Variants in GRIK5 observed in about 807,000 individuals in gnomAD.
GRIK5 encodes the protein glutamate receptor ionotropic, kainate 5.
A neutral mutation model predicts 97.4 loss-of-function variants in GRIK5; 43 were observed. The observed-to-expected ratio is 0.44, with a 90% CI of 0.35 to 0.57. The LOEUF (loss-of-function observed/expected upper bound fraction) is 0.57. Among genes scored for constraint, GRIK5 ranks in the 20% least tolerant of loss-of-function variants. The probability of loss-of-function intolerance (pLI) is 0.01; values close to 1 mark genes in which losing one functional copy is unlikely to be tolerated. For synonymous variants in GRIK5, 580 were observed against 583.5 expected, an observed-to-expected ratio of 0.99 and a Z score of 0.09; for missense variants, 1,015 against 1,382.0, an observed-to-expected ratio of 0.73 and a Z score of 4.21.
intron 9 of GRIK5, 117 bp downstream of exon 9, chr19:42,054,203 G>T: frequency 9.2e-7 from 1 of 1,090,220 alleles, no homozygotes; most frequent in Non-Finnish European, 1.3e-6. Context: ...GACAGGGGAG[G>T]CAGTGGGTAC....
At chr19:42,045,235 G>A (rs969211009) in intron 11 of GRIK5, among the ~76,000 whole-genome samples, 1 of 152,238 alleles carries the variant, frequency 6.6e-6, no homozygotes, top group African/African-American at 2.4e-5. Context: ...CTTGGTCTGA[G>A]CTGGCCTTAT....
rs189159623 is a variant in GRIK5 at position 42,008,312 on chromosome 19, C to T, written c.1872-1502G>A. Among the ~76,000 whole-genome samples, 795 of 152,152 alleles carry T rather than the reference C, an allele frequency of 5.2e-3. 9 individuals carry two copies. The highest frequency in any genetic ancestry group is 0.018 in the African/African-American group (763 of 41,550). ...GATTACAGGCATGAGCCACTGTGCC[C>T]GGCCTATTACATAATTTTTTAAAAA... On this transcript the variant is annotated intron_variant, in intron 15 of 19. Coordinates refer to ENST00000593562, the MANE Select transcript of GRIK5 (RefSeq NM_002088.5).
chr19:42,008,484 G>A (rs935648784), intron 15 of GRIK5, among the ~76,000 whole-genome samples: 1 of 152,172 alleles, frequency 6.6e-6, no homozygotes, highest in East Asian at 1.9e-4. Context: ...AAAATTAGCT[G>A]GGTGTGATAG....
Position 42,057,169 on chromosome 19 carries a change from A to G in GRIK5, c.688-191T>C, listed in dbSNP as rs576691625. 2.6e-5 allele frequency among the ~76,000 whole-genome samples: 4 copies of G among 152,256 alleles called. No individual in the cohort carries two copies. In the South Asian group the frequency reaches 8.3e-4, roughly 32 times the overall value. On this transcript the variant is annotated intron_variant, in intron 6 of 19. Transcript: ENST00000593562. ...GGAGGAGACAAGTGGGGGCATAGGG[A>G]GGCCTTAGTCCCTGGTGTCCCGCCA...
At position 42,022,054 on chromosome 19, in the gene GRIK5, G is replaced by T. The variant is rs2075705597; in HGVS notation, c.1590C>A (p.Gly530=). ...GISILYRVHM[G]RKPGYFSFLD... ...GGAAGGAGAAGTAGCCAGGCTTGCG[G>T]CCCTGTGGGGAGAGGGAGTGAGACC... Residue 530 remains glycine, a splice_region_variant and synonymous_variant, in exon 14 of 20, where the codon GGC becomes GGA. Coordinates refer to ENST00000593562, the MANE Select transcript of GRIK5 (RefSeq NM_002088.5). The surrounding 1 kb of genome is among the most constrained non-coding windows in gnomAD (Gnocchi z 4.2). The T allele has an allele frequency of 1.9e-6, 3 of 1,608,024 alleles. No individual in the cohort carries two copies. Among genetic ancestry groups the T allele is most frequent in the African/African-American group, 1.3e-5 (1 of 74,908 alleles).
intron 3 of GRIK5, among the ~76,000 whole-genome samples, chr19:42,063,694 AGG>A (rs2076290195): frequency 6.6e-6 from 1 of 152,170 alleles, no homozygotes; most frequent in Non-Finnish European, 1.5e-5. Flanking sequence ...GCCAACTCAG[AGG>A]AAAGCAGGCC....
Position 42,042,532 on chromosome 19 carries a change from C to T in GRIK5, c.1473+20G>A, listed in dbSNP as rs764685332. On this transcript the variant is annotated intron_variant, in intron 12 of 19. Transcript: ENST00000593562. The surrounding 1 kb of genome is among the most constrained non-coding windows in gnomAD (Gnocchi z 6.9). ...ACTCGCCGGGTCCATGCATCTTTCC[C>T]GGCCCCAGTCCAGCCATACCCGGTT... is the stretch of plus-strand genomic sequence containing the variant. The T allele has an allele frequency of 1.3e-5, 20 of 1,592,248 alleles. No homozygotes were observed. In the East Asian group the frequency reaches 2.2e-4, roughly 18 times the overall value.
chr19:42,060,919 C>T (rs1395100008), intron 5 of GRIK5, among the ~76,000 whole-genome samples: 1 of 152,204 alleles, frequency 6.6e-6, no homozygotes, highest in African/African-American at 2.4e-5. Context: ...ATGTAATGCA[C>T]TTATTTGTGG....
Position 42,003,346 on chromosome 19 carries a change from C to G in GRIK5, c.2500G>C (p.Ala834Pro), listed in dbSNP as rs1555871498. The change falls in exon 19 of 20, where the codon GCT becomes CCT. Residue 834 changes from alanine to proline, a missense_variant. Ala to Pro is a conservative substitution (Grantham distance 27, BLOSUM62 -1). Around this residue, in one of 5 missense-constraint regions of GRIK5, gnomAD observed 229 missense variants for 341.0 expected, o/e 0.67. Transcript: ENST00000593562. The surrounding 1 kb of genome is among the most constrained non-coding windows in gnomAD (Gnocchi z 4.2). Reference sequence around the variant, plus strand: ...AGCCTCCTCACCTCCTCGGACTCAGCTGACCTCCGTGTGGACCATATGAAT... The same window carrying G: ...AGCCTCCTCACCTCCTCGGACTCAGGTGACCTCCGTGTGGACCATATGAAT... ...MEFIWSTRRSAESEEVSVCQE... is the reference protein window; with the variant it reads ...MEFIWSTRRSPESEEVSVCQE... 11 of 1,612,566 alleles carry G rather than the reference C, an allele frequency of 6.8e-6. No homozygotes were observed. Among genetic ancestry groups the G allele is most frequent in the Non-Finnish European group, 9.3e-6 (11 of 1,179,330 alleles).
chr19:42,000,307 C>T (rs1447151519), intron 19 of GRIK5, among the ~76,000 whole-genome samples: 3 of 152,128 alleles, frequency 2.0e-5, no homozygotes, highest in African/African-American at 7.2e-5. Flanking sequence ...ATGGAGGAAG[C>T]TATGACAATA....
chr19:42,005,877 C>T lies in GRIK5; in HGVS notation c.2109G>A (p.Lys703=). 1.2e-6 allele frequency: 2 copies of T among 1,612,020 alleles called. No homozygotes were observed. The highest frequency in any genetic ancestry group is 1.7e-6 in the Non-Finnish European group (2 of 1,178,412). Residue 703 remains lysine, a synonymous_variant, in exon 17 of 20, where the codon AAG becomes AAA. Transcript: ENST00000593562. Reference sequence around the variant, plus strand: ...CGCGGGCAATGCCCTCTTCTGTGCTCTTGACGAACACGCTGGGCTGCTTCG... The same window carrying T: ...CGCGGGCAATGCCCTCTTCTGTGCTTTTGACGAACACGCTGGGCTGCTTCG... ...MQSKQPSVFV[K]STEEGIARVL... is the part of the protein sequence containing the mutation.
At position 41,999,079 on chromosome 19, in the gene GRIK5, T is replaced by A; in HGVS notation, c.2735A>T (p.Asp912Val). The change falls in exon 20 of 20, where the codon GAC becomes GTC. Residue 912 changes from aspartate to valine, a missense_variant. Physicochemically the swap from Asp to Val is radical, Grantham distance 152. Coordinates refer to ENST00000593562, the MANE Select transcript of GRIK5 (RefSeq NM_002088.5). This position sits in a 1 kb window ranked among gnomAD's most constrained non-coding sequence, Gnocchi z 5.0. ...TCGGGCTCCGCTGGGGGGCCCCGGG[T>A]CGTCCAGGAGGCGCTGCGGGCCCCC... The part of the protein sequence containing the change: ...AHGGPQRLLD[D>V]PGPPSGARPA... 7.7e-7 allele frequency: 1 copy of A among 1,303,058 alleles called. No individual in the cohort carries two copies. The allele number at this position is 1,303,058 out of a possible 1,614,324, so 80.7% of individuals were successfully genotyped here. A position where few individuals can be genotyped will look rare whatever the true frequency, so the allele number is the denominator to read the frequency against.
Position 41,999,035 on chromosome 19 carries a change from A to G in GRIK5, c.2779T>C (p.Cys927Arg), listed in dbSNP as rs1259503947. ...TCCTGGCAGACGCGCACGTGGGTGC[A>G]GGGGGTGGGGGCGGCGGGTCGGGCT... Reference protein sequence around the residue: ...SGARPAAPTPCTHVRVCQECR... With the variant: ...SGARPAAPTPRTHVRVCQECR... The change falls in exon 20 of 20, where the codon TGC becomes CGC. Residue 927 changes from cysteine (C) to arginine (R), a missense_variant. Cys to Arg is a radical substitution (Grantham distance 180). Coordinates refer to ENST00000593562, the MANE Select transcript of GRIK5 (RefSeq NM_002088.5). The surrounding 1 kb of genome is among the most constrained non-coding windows in gnomAD (Gnocchi z 5.0). 9 of 693,728 alleles carry G rather than the reference A, an allele frequency of 1.3e-5. No homozygotes were observed. Among genetic ancestry groups the G allele is most frequent in the South Asian group, 4.5e-5 (1 of 22,416 alleles). The allele number at this position is 693,728 out of a possible 1,614,324, so 43.0% of individuals were successfully genotyped here.
chr19:42,062,403 G>C lies in GRIK5; in HGVS notation c.508+85C>G. 7.2e-7 allele frequency: 1 copy of C among 1,388,378 alleles called. No individual in the cohort carries two copies. The highest frequency in any genetic ancestry group is 1.0e-6 in the Non-Finnish European group (1 of 1,002,056). The allele number at this position is 1,388,378 out of a possible 1,614,324, so 86.0% of individuals were successfully genotyped here. ...GGTGCCCCAGGGTTCTAACTAGGGG[G>C]CAGTGAACCACTGTGTGGGACACCA... is the stretch of plus-strand genomic sequence containing the variant. On this transcript the variant is annotated intron_variant, in intron 5 of 19. Coordinates refer to ENST00000593562, the MANE Select transcript of GRIK5 (RefSeq NM_002088.5). The surrounding 1 kb of genome is among the most constrained non-coding windows in gnomAD (Gnocchi z 5.3).
intron 12 of GRIK5, among the ~76,000 whole-genome samples, chr19:42,029,614 G>A (rs548938199): frequency 1.3e-5 from 2 of 152,244 alleles, no homozygotes; most frequent in East Asian, 1.9e-4. Flanking sequence ...TCTGCACCAT[G>A]AGCTAGCCAC....
Position 42,065,709 on chromosome 19 carries a change from A to G in GRIK5, c.62T>C (p.Leu21Pro). Residue 21 changes from leucine (L) to proline (P), a missense_variant, in exon 2 of 20, where the codon CTC becomes CCC. Around this residue, in one of 5 missense-constraint regions of GRIK5, gnomAD observed 198 missense variants for 218.2 expected, o/e 0.91. Transcript: ENST00000593562. This position sits in a 1 kb window ranked among gnomAD's most constrained non-coding sequence, Gnocchi z 5.8. ...VAFASPSCQV[L>P]SSLRMAAILD... ...GGCCTCACCCATGCGCAGTGATGAG[A>G]GCACCTGGCAGCTGGGGCTGGCGAA... is the stretch of plus-strand genomic sequence containing the variant. 6.3e-7 allele frequency: 1 copy of G among 1,593,988 alleles called. No homozygotes were observed. The highest frequency in any genetic ancestry group is 8.5e-7 in the Non-Finnish European group (1 of 1,171,790).
chr19:42,006,498 G>A lies in GRIK5; in HGVS notation c.2037+147C>T. The A allele has an allele frequency of 5.8e-6, 4 of 691,568 alleles. No homozygotes were observed. The highest frequency in any genetic ancestry group is 9.9e-6 in the Non-Finnish European group (4 of 403,022). The allele number at this position is 691,568 out of a possible 1,614,324, so 42.8% of individuals were successfully genotyped here. ...CCAGCCAGCTGCGAGCCCCATGACAGCACATGTGTGTTTTCTGCTCCCCAG... is the reference window on the plus strand; with the variant it reads ...CCAGCCAGCTGCGAGCCCCATGACAACACATGTGTGTTTTCTGCTCCCCAG... On this transcript the variant is annotated intron_variant, in intron 16 of 19. Coordinates refer to ENST00000593562, the MANE Select transcript of GRIK5 (RefSeq NM_002088.5). This position sits in a 1 kb window ranked among gnomAD's most constrained non-coding sequence, Gnocchi z 5.3.
intron 11 of GRIK5, among the ~76,000 whole-genome samples, chr19:42,043,341 G>GT (rs1336437751): frequency 6.6e-6 from 1 of 151,818 alleles, no homozygotes. Flanking sequence ...CCTCACCAGG[G>GT]TTTAGCTCCA....
chr19:42,005,714 G>A lies in GRIK5; in HGVS notation c.2263+9C>T, dbSNP rs199808612. The A allele has an allele frequency of 2.9e-5, 46 of 1,593,202 alleles. No individual in the cohort carries two copies. The Admixed American group carries it at 7.4e-4, about 25-fold the overall frequency. ...GCCCTGCTGTGTTCCACACCGTGCT[G>A]TGCCGTACCCAGCGGCATGCCAATG... is the stretch of plus-strand genomic sequence containing the variant. On this transcript the variant is annotated intron_variant, in intron 17 of 19. Transcript: ENST00000593562.
Sources: allele counts gnomAD v4.1 joint callset (sites outside exome capture counted in the v4.1 genomes callset), GRCh38; gene constraint gnomAD v4.1.1; regional missense constraint gnomAD v4.1.1; non-coding constraint Gnocchi (gnomAD v3.1); transcripts MANE v1.5; gene names NCBI Gene and HGNC (gene_info 2026-07-23, HGNC 2026-07-21).